Variants in DAB2IP observed in about 807,000 individuals in gnomAD.
DAB2IP encodes the protein disabled homolog 2-interacting protein.
A neutral mutation model predicts 107.2 loss-of-function variants in DAB2IP; 28 were observed. The ratio of observed to expected loss-of-function variants is 0.26; its 90% CI spans 0.19 to 0.36. The LOEUF is 0.36. Ranked by LOEUF, DAB2IP falls within the 10% of genes least tolerant of loss-of-function variation. DAB2IP has a pLI of 1.00. For missense variants in DAB2IP, 1,400 were observed against 1,644.7 expected (o/e 0.85, Z 2.57); for synonymous variants, 755 against 706.4 (o/e 1.07, Z -1.09).
At position 121,760,079 on chromosome 9, in the gene DAB2IP, G is replaced by A. The variant is rs760709235; in HGVS notation, c.810G>A (p.Thr270=). ...TCCACAACTTGCCGCCTCTGCGCAC[G>A]GTCACTGTCCACCTGTACCGGGAGA... Residue 270 remains threonine (T), a synonymous_variant, in exon 6 of 16, where the codon ACG becomes ACA. Transcript: ENST00000408936. The surrounding 1 kb of genome is among the most constrained non-coding windows in gnomAD (Gnocchi z 5.9). 9.3e-6 allele frequency: 15 copies of A among 1,613,912 alleles called. No individual in the cohort carries two copies. The African/African-American group carries it at 9.3e-5, about 10-fold the overall frequency.
chr9:121,651,794 G>T lies in DAB2IP; in HGVS notation c.19G>T (p.Ala7Ser), dbSNP rs1328135976. ...CGGCAGCATGTCCGCGGGCGGCAGC[G>T]CCAGGAAGAGCACCGGGAGGTCCTC... The change falls in exon 1 of 16, where the codon GCC (alanine) becomes TCC (serine). Residue 7 changes from alanine (A) to serine (S), a missense_variant. Coordinates refer to ENST00000408936, the Ensembl canonical transcript of DAB2IP. This position sits in a 1 kb window ranked among gnomAD's most constrained non-coding sequence, Gnocchi z 5.1. The T allele has an allele frequency of 2.1e-6, 3 of 1,430,742 alleles. No individual in the cohort carries two copies. Among genetic ancestry groups the T allele is most frequent in the African/African-American group, 1.5e-5 (1 of 68,034 alleles). The allele number at this position is 1,430,742 out of a possible 1,614,324, so 88.6% of individuals were successfully genotyped here. A position where few individuals can be genotyped will look rare whatever the true frequency, so the allele number is the denominator to read the frequency against.
intron 1 of DAB2IP, among the ~76,000 whole-genome samples, chr9:121,639,609 C>T (rs1832209632): frequency 6.6e-6 from 1 of 152,182 alleles, no homozygotes; most frequent in Non-Finnish European, 1.5e-5. Flanking sequence ...CTGGGGGCCT[C>T]ACTGTGGGTC....
intron 1 of DAB2IP, among the ~76,000 whole-genome samples, chr9:121,658,218 A>G (rs903739746): frequency 1.3e-5 from 2 of 152,164 alleles, no homozygotes; most frequent in Non-Finnish European, 2.9e-5. Context: ...TTTTTAAGAG[A>G]AAGGCAATGG....
chr9:121,761,578 C>G (rs566198541), intron 6 of DAB2IP, among the ~76,000 whole-genome samples: 55 of 152,320 alleles, frequency 3.6e-4, no homozygotes, highest in African/African-American at 1.3e-3. Context: ...GCCTCTGCAG[C>G]CCCCCTCCCT....
chr9:121,685,369 G>A (rs1828819047), intron 2 of DAB2IP, among the ~76,000 whole-genome samples: 1 of 152,254 alleles, frequency 6.6e-6, no homozygotes, highest in Non-Finnish European at 1.5e-5. Context: ...GGGACAGGGG[G>A]TCTTGGAGCC....
chr9:121,725,667 G>A (rs1831204203), intron 3 of DAB2IP, among the ~76,000 whole-genome samples: 1 of 152,184 alleles, frequency 6.6e-6, no homozygotes, highest in African/African-American at 2.4e-5. Context: ...AGCGCTCAAG[G>A]AAGGCTCCAC....
chr9:121,763,587 C>T, exon 7 of DAB2IP: 1 of 1,613,900 alleles, frequency 6.2e-7, no homozygotes, highest in Non-Finnish European at 8.5e-7. Flanking sequence ...AACACACTGG[C>T]CACCAAGGCC....
At position 121,770,528 on chromosome 9, in the gene DAB2IP, C is replaced by G; in HGVS notation, c.1900-18C>G. On this transcript the variant is annotated intron_variant, in intron 10 of 15. Coordinates refer to ENST00000408936, the Ensembl canonical transcript of DAB2IP. ...TGGTCCCAGGAGGTCACACCTGCCTCTTGCTGTGCCTTTACAGAGCATAGT... is the reference window on the plus strand; with the variant it reads ...TGGTCCCAGGAGGTCACACCTGCCTGTTGCTGTGCCTTTACAGAGCATAGT... 1 of 1,608,654 alleles carries G rather than the reference C, an allele frequency of 6.2e-7. No homozygotes were observed.
rs1253730007 is a variant in DAB2IP, at chr9:121,776,349, A to G, written c.3272A>G (p.Gln1091Arg). 1 of 1,552,784 alleles carries G rather than the reference A, an allele frequency of 6.4e-7. No individual in the cohort carries two copies. Among genetic ancestry groups the G allele is most frequent in the Admixed American group, 2.0e-5 (1 of 51,104 alleles). The change falls in exon 14 of 16, where the codon CAG becomes CGG. Residue 1091 changes from glutamine to arginine, a missense_variant. By Grantham distance (43) the Gln-to-Arg change is conservative. Around this residue, in one of 3 missense-constraint regions of DAB2IP, gnomAD observed 600 missense variants for 659.1 expected, o/e 0.91. Coordinates refer to ENST00000408936, the Ensembl canonical transcript of DAB2IP. This position sits in a 1 kb window ranked among gnomAD's most constrained non-coding sequence, Gnocchi z 5.4. ...GAGGGCGAGGAGCGGCTGCGGCGGC[A>G]GCAGGAGGACAAGGACATCCAGATG... is the stretch of plus-strand genomic sequence containing the variant.
chr9:121,773,334 C>A, exon 12 of DAB2IP: 1 of 1,559,426 alleles, frequency 6.4e-7, no homozygotes, highest in Non-Finnish European at 8.7e-7. Context: ...CGGCCGGACG[C>A]CCCCCAACCT....
chr9:121,651,059 A>G (rs1832722354), upstream of DAB2IP, among the ~76,000 whole-genome samples: 1 of 152,166 alleles, frequency 6.6e-6, no homozygotes, highest in South Asian at 2.1e-4. This position sits in a 1 kb window ranked among gnomAD's most constrained non-coding sequence, Gnocchi z 5.1. Context: ...TGCCTACGGT[A>G]GGGTAGGGAT....
chr9:121,616,185 T>C (rs1452166418), intron 1 of DAB2IP, among the ~76,000 whole-genome samples: 1 of 152,178 alleles, frequency 6.6e-6, no homozygotes, highest in Non-Finnish European at 1.5e-5. Flanking sequence ...GGTTGCCTCC[T>C]GCAGGATGCA....
Position 121,639,584 on chromosome 9 carries a change from G to A in DAB2IP, c.41-39094G>A, listed in dbSNP as rs553272722. Among the ~76,000 whole-genome samples, 14 of 152,236 alleles carry A rather than the reference G, an allele frequency of 9.2e-5. No homozygotes were observed. The South Asian group carries it at 1.7e-3, about 18-fold the overall frequency. On this transcript the variant is annotated intron_variant, in intron 1 of 16. Transcript: ENST00000259371. ...AATCCAGACCACATGGGGAGCCTGC[G>A]GAGGGAGGTGGAAGCTGGGGGCCTC...
intron 3 of DAB2IP, among the ~76,000 whole-genome samples, chr9:121,753,583 AG>A (rs1470113707): frequency 6.6e-6 from 1 of 152,190 alleles, no homozygotes; most frequent in African/African-American, 2.4e-5. Flanking sequence ...CCATCCCAGC[AG>A]GGGGCCTTGG....
chr9:121,737,144 GGACGGCT>G, intron 3 of DAB2IP: 1 of 962,252 alleles, frequency 1.0e-6, no homozygotes, highest in Non-Finnish European at 1.2e-6. Flanking sequence ...GAGCCTGTAG[GGACGGCT>G]CCTCCCTCTT....
intron 10 of DAB2IP, 38 bp from the exon 11 acceptor site, chr9:121,770,508 C>G (rs1407001860): frequency 1.9e-6 from 3 of 1,599,176 alleles, no homozygotes; most frequent in African/African-American, 1.3e-5. Context: ...CCATGTGGTC[C>G]CAGGAGGTCA....
At chr9:121,603,162 CG>C (rs765980736) in intron 1 of DAB2IP, among the ~76,000 whole-genome samples, 8 of 152,184 alleles carry the variant, frequency 5.3e-5, no homozygotes, top group Non-Finnish European at 7.3e-5. Flanking sequence ...GGGAGAGGAG[CG>C]GGGTGGTTCT....
rs1158270508 is a variant in DAB2IP, at chr9:121,684,124, C to T, written c.228+5343C>T. On this transcript the variant is annotated intron_variant, in intron 2 of 15. Coordinates refer to ENST00000408936, the Ensembl canonical transcript of DAB2IP. The surrounding 1 kb of genome is among the most constrained non-coding windows in gnomAD (Gnocchi z 4.0). The stretch of plus-strand genomic sequence containing the variant: ...TCCCTGCACCCTCCCCATGTTTCAG[C>T]TGTCTTTCTGTCACACAAACTCAAG... Among the ~76,000 whole-genome samples the T allele has an allele frequency of 6.6e-6, 1 of 152,166 alleles. No homozygotes were observed. The highest frequency in any genetic ancestry group is 1.5e-5 in the Non-Finnish European group (1 of 68,038).
chr9:121,591,550 C>A (rs1296458131), intron 1 of DAB2IP, among the ~76,000 whole-genome samples: 1 of 152,074 alleles, frequency 6.6e-6, no homozygotes, highest in Non-Finnish European at 1.5e-5. Context: ...ATGATGGCAA[C>A]AAGAAACCAT....
Sources: gnomAD v4.1 joint callset for allele counts (sites outside exome capture counted in the v4.1 genomes callset) on GRCh38, gnomAD v4.1.1 for gene constraint, gnomAD v4.1.1 regional missense constraint, Gnocchi (gnomAD v3.1) non-coding constraint, MANE v1.5 for transcripts, NCBI Gene and HGNC (gene_info 2026-07-23, HGNC 2026-07-21) for gene names.